Variants in KIAA1217 observed in about 807,000 individuals in gnomAD.
The protein encoded by KIAA1217 is sickle tail protein homolog.
KIAA1217 carries 88 observed loss-of-function variants against 163.9 expected under a neutral mutation model. The observed-to-expected ratio is 0.54, with a 90% CI of 0.45 to 0.64. The LOEUF (loss-of-function observed/expected upper bound fraction) is 0.64. Among genes scored for constraint, KIAA1217 ranks in the 30% least tolerant of loss-of-function variants. KIAA1217 has a pLI of 0.00. For missense variants in KIAA1217, 2,372 were observed against 2,475.0 expected (o/e 0.96, Z 0.88); for synonymous variants, 903 against 923.1 (o/e 0.98, Z 0.39).
At chr10:23,894,718 T>C (rs1841597057) in intron 1 of KIAA1217, among the ~76,000 whole-genome samples, 1 of 147,186 alleles carries the variant, frequency 6.8e-6, no homozygotes, top group Non-Finnish European at 1.5e-5. Context: ...GCTGGAGGCA[T>C]CACGCTACCT....
At chr10:23,720,469 G>A (rs1399199137) in intron 1 of KIAA1217, among the ~76,000 whole-genome samples, 1 of 152,144 alleles carries the variant, frequency 6.6e-6, no homozygotes, top group Non-Finnish European at 1.5e-5. Context: ...TCTCTTTGTG[G>A]ACATTAATTT....
At chr10:23,741,644 T>C (rs1286476392) in intron 1 of KIAA1217, among the ~76,000 whole-genome samples, 2 of 152,210 alleles carry the variant, frequency 1.3e-5, no homozygotes, top group Non-Finnish European at 2.9e-5. Context: ...GAGCCAGCTC[T>C]GGGTGGCCTG....
At chr10:23,852,302 T>C (rs1305558530) in intron 1 of KIAA1217, among the ~76,000 whole-genome samples, 4 of 152,208 alleles carry the variant, frequency 2.6e-5, no homozygotes, top group Non-Finnish European at 5.9e-5. Flanking sequence ...TTTTCTCAGG[T>C]TTGTCAAAGA....
chr10:24,406,007 C>T (rs186492956), intron 3 of KIAA1217, among the ~76,000 whole-genome samples: 49 of 152,268 alleles, frequency 3.2e-4, no homozygotes, highest in African/African-American at 1.1e-3. Context: ...TCCTATCTTC[C>T]CTTTTTATTT....
At chr10:24,168,307 TA>T (rs1163149549) in intron 2 of KIAA1217, among the ~76,000 whole-genome samples, 1 of 152,118 alleles carries the variant, frequency 6.6e-6, no homozygotes, top group Non-Finnish European at 1.5e-5. Flanking sequence ...AAGGAGGGAA[TA>T]TTTTTTCAGA....
At chr10:24,413,362 G>A (rs1378749504) in intron 3 of KIAA1217, among the ~76,000 whole-genome samples, 1 of 152,118 alleles carries the variant, frequency 6.6e-6, no homozygotes, top group Non-Finnish European at 1.5e-5. Flanking sequence ...AGTAGAGACA[G>A]GGTTTCACCA....
intron 2 of KIAA1217, among the ~76,000 whole-genome samples, chr10:24,283,462 T>C (rs1244508855): frequency 1.3e-5 from 2 of 152,058 alleles, no homozygotes; most frequent in East Asian, 3.9e-4. Context: ...AGGTCAGGAG[T>C]TCAGGAACAG....
intron 2 of KIAA1217, among the ~76,000 whole-genome samples, chr10:24,377,251 T>A (rs1237806682): frequency 6.6e-6 from 1 of 152,284 alleles, no homozygotes; most frequent in Non-Finnish European, 1.5e-5. Flanking sequence ...TTTGGGGAAG[T>A]CTTTACAAGG....
chr10:23,931,559 G>A (rs555855587), intron 1 of KIAA1217, among the ~76,000 whole-genome samples: 22 of 152,224 alleles, frequency 1.4e-4, no homozygotes, highest in African/African-American at 4.8e-4. Context: ...TAATCTTCCT[G>A]CACCCTCCCA....
intron 5 of KIAA1217, among the ~76,000 whole-genome samples, chr10:24,457,060 G>A (rs2061866823): frequency 6.6e-6 from 1 of 152,068 alleles, no homozygotes; most frequent in Non-Finnish European, 1.5e-5. Flanking sequence ...ACTTCAGTGT[G>A]TTGGAGGAAA....
intron 2 of KIAA1217, among the ~76,000 whole-genome samples, chr10:24,273,700 A>C (rs894886301): frequency 2.0e-5 from 3 of 151,848 alleles, no homozygotes; most frequent in Non-Finnish European, 2.9e-5. Flanking sequence ...AAAAATGCAA[A>C]TATCAGCCGG....
intron 1 of KIAA1217, among the ~76,000 whole-genome samples, chr10:23,968,079 C>T (rs1461473115): frequency 1.3e-5 from 2 of 151,754 alleles, no homozygotes. Flanking sequence ...AATTCTCCTG[C>T]AGATAACCTA....
At chr10:23,926,415 G>T (rs539917331) in intron 1 of KIAA1217, among the ~76,000 whole-genome samples, 1 of 152,260 alleles carries the variant, frequency 6.6e-6, no homozygotes, top group East Asian at 1.9e-4. Flanking sequence ...TTCCATATGA[G>T]ATGTGCATTA....
At chr10:24,019,166 A>G (rs1405961514) in intron 2 of KIAA1217, among the ~76,000 whole-genome samples, 1 of 152,130 alleles carries the variant, frequency 6.6e-6, no homozygotes. Context: ...TGTGTAGTAT[A>G]CTTGAAAATC....
chr10:24,401,478 A>G lies in KIAA1217; in HGVS notation c.553+20411A>G, dbSNP rs572203946. Among the ~76,000 whole-genome samples the G allele has an allele frequency of 2.3e-3, 343 of 152,326 alleles. 2 individuals are homozygous for G. Among genetic ancestry groups the G allele is most frequent in the Middle Eastern group, 0.01 (3 of 294 alleles). ...AGTAATCCACCATATGAACAGGCTGAAGAAGGAGAATCATATGATCATGTT... is the reference window on the plus strand; with the variant it reads ...AGTAATCCACCATATGAACAGGCTGGAGAAGGAGAATCATATGATCATGTT... On this transcript the variant is annotated intron_variant, in intron 3 of 20. Transcript: ENST00000376454.
chr10:23,845,412 T>C (rs1011705938), intron 1 of KIAA1217, among the ~76,000 whole-genome samples: 1 of 152,212 alleles, frequency 6.6e-6, no homozygotes, highest in Non-Finnish European at 1.5e-5. Context: ...TTTCCTGACT[T>C]TTTAATGATC....
chr10:24,351,578 T>C, intron 2 of KIAA1217, among the ~76,000 whole-genome samples: 1 of 152,162 alleles, frequency 6.6e-6, no homozygotes, highest in East Asian at 1.9e-4. Flanking sequence ...TTCTTCACCT[T>C]GGGTTGAGGC....
At chr10:24,404,566 C>CAAA (rs57209065) in intron 3 of KIAA1217, among the ~76,000 whole-genome samples, 8 of 51,166 alleles carry the variant, frequency 1.6e-4, no homozygotes, top group Non-Finnish European at 2.2e-4. Flanking sequence ...GACTCTGTCT[C>CAAA]AAAAAAAAAA....
intron 5 of KIAA1217, among the ~76,000 whole-genome samples, chr10:24,465,026 C>T (rs376992269): frequency 1.2e-3 from 177 of 152,270 alleles, no homozygotes; most frequent in African/African-American, 4.1e-3. Flanking sequence ...ATAGGGGCGG[C>T]ATCGTGGCCT....
Sources: allele counts gnomAD v4.1 joint callset (sites outside exome capture counted in the v4.1 genomes callset), GRCh38; gene constraint gnomAD v4.1.1; transcripts MANE v1.5; gene names NCBI Gene and HGNC (gene_info 2026-07-23, HGNC 2026-07-21).